The following ADAM9 variants were observed in gnomAD, a reference collection of about 807,000 sequenced individuals.
The protein encoded by ADAM9 is ADAM metallopeptidase domain 9.
Under a neutral mutation model 108.1 loss-of-function variants are expected in ADAM9, and 54 were observed. That is an observed-to-expected ratio of 0.50 (90% CI 0.40 to 0.63). The LOEUF (loss-of-function observed/expected upper bound fraction) is 0.63. ADAM9 is among the 20% of genes least tolerant of loss of function. ADAM9 has a pLI of 0.00. For synonymous variants in ADAM9, 316 were observed against 336.0 expected (o/e 0.94, Z 0.65); for missense variants, 830 against 997.7 (o/e 0.83, Z 2.26).
At chr8:39,077,595 T>A (rs1838888183) in intron 16 of ADAM9, among the ~76,000 whole-genome samples, 184 bp downstream of exon 16, 1 of 152,234 alleles carries the variant, frequency 6.6e-6, no homozygotes. Flanking sequence ...ATTTCCTTAC[T>A]GGGGTCAGAT....
chr8:39,102,106 G>A (rs997750280), intron 21 of ADAM9, among the ~76,000 whole-genome samples, 176 bp downstream of exon 21: 1 of 152,106 alleles, frequency 6.6e-6, no homozygotes, highest in Admixed American at 6.6e-5. Context: ...TATCATATTG[G>A]TACAGGGTCA....
At chr8:39,005,129 A>G (rs540177165) in intron 1 of ADAM9, among the ~76,000 whole-genome samples, 2 of 152,254 alleles carry the variant, frequency 1.3e-5, no homozygotes, top group East Asian at 3.9e-4. Flanking sequence ...TTAATCCTAA[A>G]GATTGTAGAG....
intron 8 of ADAM9, among the ~76,000 whole-genome samples, chr8:39,022,064 T>TTG (rs552684363): frequency 0.08 from 11,381 of 141,418 alleles, 405 homozygotes; most frequent in South Asian, 0.09. Flanking sequence ...ATGACAATAT[T>TTG]TGTGTGTGTG....
At position 39,077,279 on chromosome 8, in the gene ADAM9, A is replaced by T. The variant is rs763992294; in HGVS notation, c.1749A>T (p.Val583=). 1 of 1,614,162 alleles carries T rather than the reference A, an allele frequency of 6.2e-7. No individual in the cohort carries two copies. The highest frequency in any genetic ancestry group is 8.5e-7 in the Non-Finnish European group (1 of 1,180,000). The change falls in exon 16 of 22, where the codon GTA becomes GTT. Residue 583 remains valine (V), a synonymous_variant. Coordinates refer to ENST00000487273, the MANE Select transcript of ADAM9 (RefSeq NM_003816.3). ...GTGAGAATGTACAAGAGATACCTGT[A>T]TTTGGAATTGTGCCTGCTATTATTC... ...LQCENVQEIP[V]FGIVPAIIQT... is the part of the protein sequence containing the mutation.
chr8:39,085,567 C>T (rs1839157310), intron 18 of ADAM9, among the ~76,000 whole-genome samples: 2 of 151,918 alleles, frequency 1.3e-5, no homozygotes, highest in Admixed American at 6.6e-5. Context: ...CTTTAATTTG[C>T]CTTGCTGCTT....
chr8:39,096,888 C>T (rs1839523255), intron 20 of ADAM9, among the ~76,000 whole-genome samples: 1 of 152,130 alleles, frequency 6.6e-6, no homozygotes, highest in African/African-American at 2.4e-5. Flanking sequence ...GTTCATACAT[C>T]ATTTTCCTGA....
intron 14 of ADAM9, among the ~76,000 whole-genome samples, chr8:39,062,159 C>A (rs1171033586): frequency 1.3e-5 from 2 of 152,146 alleles, no homozygotes; most frequent in Non-Finnish European, 2.9e-5. Context: ...ATGGGATACA[C>A]AAACATTGAA....
At chr8:39,047,024 C>G (rs565566711) in intron 12 of ADAM9, among the ~76,000 whole-genome samples, 2 of 152,188 alleles carry the variant, frequency 1.3e-5, no homozygotes, top group Admixed American at 1.3e-4. Flanking sequence ...CTGCGTAAGA[C>G]GCCCAGAGTG....
chr8:39,020,431 C>T (rs1359815315), intron 7 of ADAM9, among the ~76,000 whole-genome samples: 4 of 152,068 alleles, frequency 2.6e-5, no homozygotes, highest in South Asian at 2.1e-4. Context: ...AGATCCCTAA[C>T]TGATAAAATC....
intron 3 of ADAM9, among the ~76,000 whole-genome samples, chr8:39,013,394 C>A (rs1836421339): frequency 7.0e-6 from 1 of 142,074 alleles, no homozygotes; most frequent in Non-Finnish European, 1.5e-5. Context: ...TTTTTTGGAA[C>A]TAGCATTTTA....
chr8:39,103,571 T>TAA (rs1839766003), intron 21 of ADAM9, 36 bp from the exon 22 acceptor site: 1 of 1,589,588 alleles, frequency 6.3e-7, no homozygotes, highest in Admixed American at 1.7e-5. Context: ...TCACCCAGTC[T>TAA]AAACACTCTA....
chr8:39,071,567 A>G (rs1838694503), intron 15 of ADAM9, among the ~76,000 whole-genome samples, 164 bp downstream of exon 15: 1 of 150,740 alleles, frequency 6.6e-6, no homozygotes, highest in Non-Finnish European at 1.5e-5. Context: ...CCCAGGTTCA[A>G]GTGATTCCCC....
chr8:39,008,059 A>T, intron 2 of ADAM9, 76 bp downstream of exon 2: 1 of 1,071,076 alleles, frequency 9.3e-7, no homozygotes, highest in Non-Finnish European at 1.4e-6. Context: ...TGTTATTTGT[A>T]GCAGTGATCA....
rs915890414 is a variant in ADAM9, at chr8:39,078,271, A to G, written c.1881+860A>G. Among the ~76,000 whole-genome samples, 3 of 151,878 alleles carry G rather than the reference A, an allele frequency of 2.0e-5. No individual in the cohort carries two copies. The Admixed American group carries it at 2.0e-4, about 10-fold the overall frequency. On this transcript the variant is annotated intron_variant, in intron 16 of 21. Coordinates refer to ENST00000487273, the MANE Select transcript of ADAM9 (RefSeq NM_003816.3). ...TGTTATAAACAATGATAAGAGATATATACATTTAAGTTTTTGATAGTGCAA... is the reference window on the plus strand; with the variant it reads ...TGTTATAAACAATGATAAGAGATATGTACATTTAAGTTTTTGATAGTGCAA...
Position 39,026,714 on chromosome 8 carries a change from T to G in ADAM9, c.1034T>G (p.Val345Gly), listed in dbSNP as rs1280651712. ...QITVETFASI[V>G]AHELGHNLGM... is the part of the protein sequence containing the mutation. ...ACTGTGGAGACATTTGCTTCCATTGTTGCTCATGAATTGGGTCATAATCTT... is the reference window on the plus strand; with the variant it reads ...ACTGTGGAGACATTTGCTTCCATTGGTGCTCATGAATTGGGTCATAATCTT... Residue 345 changes from valine (V) to glycine (G), a missense_variant, in exon 11 of 22, where the codon GTT becomes GGT. Physicochemically the swap from Val to Gly is moderately radical, Grantham distance 109. Transcript: ENST00000487273. 2 of 1,614,112 alleles carry G rather than the reference T, an allele frequency of 1.2e-6. No individual in the cohort carries two copies. Among genetic ancestry groups the G allele is most frequent in the African/African-American group, 2.7e-5 (2 of 74,946 alleles).
At chr8:39,043,079 A>G (rs988870577) in intron 12 of ADAM9, among the ~76,000 whole-genome samples, 1 of 152,124 alleles carries the variant, frequency 6.6e-6, no homozygotes, top group Non-Finnish European at 1.5e-5. Context: ...CATCTACGTT[A>G]TTGCAATGAC....
In ADAM9 at chr8:39,045,569, T is replaced by G. The variant is rs1837737487; in HGVS notation, c.1302+3452T>G. ...ATGTGTGTGTGTATATGTGTGTGTG[T>G]GTATATATATATATATATAAAAGAT... is the stretch of plus-strand genomic sequence containing the variant. On this transcript the variant is annotated intron_variant, in intron 12 of 21. Coordinates refer to ENST00000487273, the MANE Select transcript of ADAM9 (RefSeq NM_003816.3). 1.6e-4 allele frequency among the ~76,000 whole-genome samples: 4 copies of G among 25,294 alleles called. No homozygotes were observed. In the South Asian group the frequency reaches 3.0e-3, roughly 19 times the overall value. The allele number at this position is 25,294 out of a possible 152,430, so 16.6% of individuals were successfully genotyped here. A position where few individuals can be genotyped will look rare whatever the true frequency, so the allele number is the denominator to read the frequency against.
rs189911559 is a variant in ADAM9 at position 39,088,688 on chromosome 8, A to C, written c.2069-1359A>C. ...CACAGAACAGATAAAATACTTAAAG[A>C]ATTTGTAAAAGTTCTAATGAAACTT... On this transcript the variant is annotated intron_variant, in intron 18 of 21. Transcript: ENST00000487273. Among the ~76,000 whole-genome samples the C allele has an allele frequency of 2.5e-3, 381 of 152,346 alleles. 5 individuals are homozygous for C. Among genetic ancestry groups the C allele is most frequent in the African/African-American group, 8.8e-3 (367 of 41,590 alleles).
chr8:39,081,471 ACT>A (rs1277939505), intron 16 of ADAM9, among the ~76,000 whole-genome samples: 5 of 152,028 alleles, frequency 3.3e-5, no homozygotes, highest in Non-Finnish European at 5.9e-5. Context: ...TGGTAGGGAA[ACT>A]CTTGGTAAAT....
Sources: allele counts gnomAD v4.1 joint callset (sites outside exome capture counted in the v4.1 genomes callset), GRCh38; gene constraint gnomAD v4.1.1; transcripts MANE v1.5; gene names NCBI Gene and HGNC (gene_info 2026-07-23, HGNC 2026-07-21).